The following NBN variants were observed in gnomAD, a reference collection of about 807,000 sequenced individuals.
NBN encodes nibrin.
A neutral mutation model predicts 90.8 loss-of-function variants in NBN; 88 were observed. The observed-to-expected ratio is 0.97, with a 90% CI of 0.82 to 1.16. The LOEUF (loss-of-function observed/expected upper bound fraction) is 1.16. Ranked by LOEUF, NBN falls within the 50% of genes most tolerant of loss-of-function variation. NBN has a pLI of 0.00. For missense variants in NBN, 894 were observed against 869.6 expected (o/e 1.03, Z -0.35); for synonymous variants, 328 against 295.1 (o/e 1.11, Z -1.14).
At chr8:89,950,012 A>ACTG (rs1442712878) in intron 11 of NBN, among the ~76,000 whole-genome samples, 4 of 152,228 alleles carry the variant, frequency 2.6e-5, no homozygotes, top group African/African-American at 9.7e-5. Context: ...GTGATACTGT[A>ACTG]CTGTAGTTAT....
rs201347648 is a variant in NBN, at chr8:89,949,900, T to C, written c.1846-2008A>G. Among the ~76,000 whole-genome samples, 9 of 152,332 alleles carry C rather than the reference T, an allele frequency of 5.9e-5. No individual in the cohort carries two copies. The East Asian group carries it at 1.3e-3, about 23-fold the overall frequency. On this transcript the variant is annotated intron_variant, in intron 11 of 15. Coordinates refer to ENST00000265433, the MANE Select transcript of NBN (RefSeq NM_002485.5). ...ATTCCTTTAATCCATGAGATTAACA[T>C]GGACTTTCAGACAAATTCTTAAAAT...
At chr8:89,936,468 CCT>C (rs1279760311) in intron 15 of NBN, among the ~76,000 whole-genome samples, 1 of 152,076 alleles carries the variant, frequency 6.6e-6, no homozygotes, top group African/African-American at 2.4e-5. Flanking sequence ...TGTCTTCTCC[CCT>C]GATATCTACC....
intron 9 of NBN, among the ~76,000 whole-genome samples, chr8:89,956,952 A>AGGTT (rs1810742189): frequency 6.6e-6 from 1 of 152,188 alleles, no homozygotes; most frequent in Non-Finnish European, 1.5e-5. Flanking sequence ...ATGTAAACAA[A>AGGTT]CCTATGCTGC....
intron 14 of NBN, among the ~76,000 whole-genome samples, chr8:89,939,043 TCACA>T (rs1447390785): frequency 6.6e-6 from 1 of 152,206 alleles, no homozygotes; most frequent in African/African-American, 2.4e-5. Context: ...TAACTACTAC[TCACA>T]GTCTTTCAAA....
At chr8:89,954,043 T>C (rs1810582402) in intron 10 of NBN, among the ~76,000 whole-genome samples, 1 of 152,152 alleles carries the variant, frequency 6.6e-6, no homozygotes, top group Non-Finnish European at 1.5e-5. Flanking sequence ...GTAGTAAGGT[T>C]GTGGGCAGGG....
At chr8:89,976,343 G>C (rs897036486) in intron 5 of NBN, among the ~76,000 whole-genome samples, 12 of 152,188 alleles carry the variant, frequency 7.9e-5, no homozygotes, top group Non-Finnish European at 1.8e-4. Context: ...ACCTTGGAAG[G>C]CCAAAAGGTT....
In NBN at chr8:89,934,128, T is replaced by G. The variant is rs1809557627; in HGVS notation, c.*1454A>C. 1 of 230,394 alleles carries G rather than the reference T, an allele frequency of 4.3e-6. No homozygotes were observed. The highest frequency in any genetic ancestry group is 2.2e-5 in the African/African-American group (1 of 45,222). The allele number at this position is 230,394 out of a possible 1,614,324, so 14.3% of individuals were successfully genotyped here. A position where few individuals can be genotyped will look rare whatever the true frequency, so the allele number is the denominator to read the frequency against. ...TAATCTGTCCATTATATTCCTTAAC[T>G]GTAAAATGGAGACCATATGTTCCAC... On this transcript the variant is annotated 3_prime_UTR_variant, in exon 16 of 16. Transcript: ENST00000265433.
In NBN at chr8:89,981,466, AG is replaced by A; in HGVS notation, c.228del (p.Phe77LeufsTer15). 6.2e-7 allele frequency: 1 copy of A among 1,613,784 alleles called. No homozygotes were observed. Among genetic ancestry groups the A allele is most frequent in the South Asian group, 1.1e-5 (1 of 91,076 alleles). ...TTCTGCATTTTTTCCTCATTAACAA[AG>A]GTACCATACTTAGAATTATCTTTTA... ...LTLKDNSKYG[T>X]FVNEEKMQNG... On this transcript the variant is annotated frameshift_variant, in exon 3 of 16. Transcript: ENST00000265433. LOFTEE classifies it high-confidence loss of function.
At chr8:89,956,969 T>C (rs1810743279) in intron 9 of NBN, among the ~76,000 whole-genome samples, 1 of 152,200 alleles carries the variant, frequency 6.6e-6, no homozygotes, top group Non-Finnish European at 1.5e-5. Context: ...CTGCCAATTG[T>C]ATAAAAGTAT....
intron 11 of NBN, among the ~76,000 whole-genome samples, chr8:89,948,142 A>G (rs1810284833): frequency 6.6e-6 from 1 of 152,230 alleles, no homozygotes; most frequent in Admixed American, 6.5e-5. Flanking sequence ...CTAAATCCAT[A>G]TAAATCACAT....
At chr8:89,962,554 C>T (rs1460865932) in intron 8 of NBN, among the ~76,000 whole-genome samples, 3 of 152,174 alleles carry the variant, frequency 2.0e-5, no homozygotes, top group Non-Finnish European at 4.4e-5. Flanking sequence ...AAAAAGTTCC[C>T]TTGCCAAGAG....
intron 12 of NBN, chr8:89,946,509 A>G (rs745662546): frequency 2.3e-5 from 12 of 513,334 alleles, no homozygotes; most frequent in Non-Finnish European, 3.8e-5. Flanking sequence ...CTTTGGAAAC[A>G]TTTATAACAT....
chr8:89,935,646 A>C, intron 15 of NBN, 34 bp from the exon 16 acceptor site: 1 of 1,601,042 alleles, frequency 6.2e-7, no homozygotes, highest in East Asian at 2.2e-5. Flanking sequence ...AATGATATTT[A>C]GATAAGGGAT....
chr8:89,939,275 G>C (rs913510719), intron 14 of NBN, among the ~76,000 whole-genome samples: 1 of 151,816 alleles, frequency 6.6e-6, no homozygotes, highest in Non-Finnish European at 1.5e-5. Flanking sequence ...TGAGATGGCA[G>C]TACAGAACAT....
intron 2 of NBN, 183 bp from the exon 3 acceptor site, chr8:89,981,706 G>A: frequency 1.5e-6 from 1 of 665,710 alleles, no homozygotes; most frequent in East Asian, 2.8e-5. Flanking sequence ...TTTCCCCTTA[G>A]GGAAGTTTCT....
At chr8:89,952,061 A>C (rs1000908325) in intron 11 of NBN, among the ~76,000 whole-genome samples, 1 of 152,210 alleles carries the variant, frequency 6.6e-6, no homozygotes, top group African/African-American at 2.4e-5. Flanking sequence ...CCCTCCCTGG[A>C]AAGTAGACTT....
chr8:89,952,002 AGGAATTCAGCT>A (rs1810468173), intron 11 of NBN, among the ~76,000 whole-genome samples: 1 of 152,200 alleles, frequency 6.6e-6, no homozygotes, highest in Non-Finnish European at 1.5e-5. Context: ...GAAAACAGGG[AGGAATTCAGCT>A]GGAAAGGCCT....
intron 7 of NBN, among the ~76,000 whole-genome samples, chr8:89,966,531 T>C (rs1463026017): frequency 6.6e-6 from 1 of 152,208 alleles, no homozygotes; most frequent in Non-Finnish European, 1.5e-5. Flanking sequence ...TATAAAATTC[T>C]ATTAAGAGAT....
intron 13 of NBN, among the ~76,000 whole-genome samples, chr8:89,945,739 G>C (rs1174345556): frequency 1.3e-5 from 2 of 152,058 alleles, no homozygotes; most frequent in Non-Finnish European, 2.9e-5. Flanking sequence ...TGTAAATATA[G>C]ACTATAGTTT....
Sources: gnomAD v4.1 joint callset for allele counts (sites outside exome capture counted in the v4.1 genomes callset) on GRCh38, gnomAD v4.1.1 for gene constraint, MANE v1.5 for transcripts, NCBI Gene and HGNC (gene_info 2026-07-23, HGNC 2026-07-21) for gene names.